Variants in SAP130 observed in about 807,000 individuals in gnomAD.
The protein encoded by SAP130 is Sin3A associated protein 130.
SAP130 carries 16 observed loss-of-function variants against 103.2 expected under a neutral mutation model. The observed-to-expected ratio is 0.16, with a 90% CI of 0.10 to 0.24. The LOEUF (loss-of-function observed/expected upper bound fraction) is 0.24, where lower values mean the gene tolerates loss of function less well. Among genes scored for constraint, SAP130 ranks in the 10% least tolerant of loss-of-function variants. The pLI, the probability that SAP130 is intolerant of heterozygous loss-of-function variation, is 1.00. For synonymous variants in SAP130, 477 were observed against 497.0 expected (o/e 0.96, Z 0.53); for missense variants, 990 against 1,359.7 (o/e 0.73, Z 4.28).
rs1254015678 is a variant in SAP130, at chr2:127,993,312, G to A, written c.1356-4C>T. On this transcript the variant is annotated splice_polypyrimidine_tract_variant and splice_region_variant and intron_variant, in intron 11 of 20. Transcript: ENST00000643581. ...GAACTGAACGGGAACAGACGGTCTA[G>A]AGACAGAACAGATGATAGCAAACAA... 6.2e-7 allele frequency: 1 copy of A among 1,608,414 alleles called. No homozygotes were observed. The highest frequency in any genetic ancestry group is 1.3e-5 in the African/African-American group (1 of 74,588).
In SAP130 at chr2:127,964,494, C is replaced by CA. The variant is rs55755397; in HGVS notation, c.2064-9151dup. On this transcript the variant is annotated intron_variant, in intron 15 of 20. Coordinates refer to ENST00000643581, the MANE Select transcript of SAP130 (RefSeq NM_001330301.2). ...GGGCGACAAGAGCGAAACTCCATCT[C>CA]AAAAAAAAAAAAAAAAAAAAAAAAG... Among the ~76,000 whole-genome samples, 212 of 69,848 alleles carry CA rather than the reference C, an allele frequency of 3.0e-3. 2 individuals carry two copies. Among genetic ancestry groups the CA allele is most frequent in the African/African-American group, 9.2e-3 (158 of 17,162 alleles). The allele number at this position is 69,848 out of a possible 152,430, so 45.8% of individuals were successfully genotyped here. A position where few individuals can be genotyped will look rare whatever the true frequency, so the allele number is the denominator to read the frequency against.
Position 127,989,763 on chromosome 2 carries a change from C to A in SAP130, c.1581G>T (p.Ser527=). Residue 527 remains serine (S), a synonymous_variant, in exon 13 of 21, where the codon TCG becomes TCT. Coordinates refer to ENST00000643581, the MANE Select transcript of SAP130 (RefSeq NM_001330301.2). This position sits in a 1 kb window ranked among gnomAD's most constrained non-coding sequence, Gnocchi z 4.6. The part of the protein sequence containing the change: ...NPMQLMTVDA[S]HARHIQGIQP... ...GGATCCCTTGAATATGTCGAGCATGCGATGCATCCACTGTCATCAACTGCA... is the reference window on the plus strand; with the variant it reads ...GGATCCCTTGAATATGTCGAGCATGAGATGCATCCACTGTCATCAACTGCA... The A allele has an allele frequency of 6.2e-7, 1 of 1,614,130 alleles. No individual in the cohort carries two copies. The highest frequency in any genetic ancestry group is 2.2e-5 in the East Asian group (1 of 44,892).
chr2:128,022,381 A>C (rs1559109565), intron 2 of SAP130, among the ~76,000 whole-genome samples: 2 of 152,332 alleles, frequency 1.3e-5, no homozygotes, highest in South Asian at 4.1e-4. Context: ...TTTGGTGAGA[A>C]CCCTGTTTTG....
At chr2:128,025,574 CTT>C (rs984213481) in intron 2 of SAP130, among the ~76,000 whole-genome samples, 5 of 152,134 alleles carry the variant, frequency 3.3e-5, no homozygotes, top group African/African-American at 9.7e-5. Flanking sequence ...ACTTTTTTCT[CTT>C]GTCATTATTC....
chr2:127,979,591 A>G (rs1681717161), intron 14 of SAP130, among the ~76,000 whole-genome samples: 1 of 81,072 alleles, frequency 1.2e-5, no homozygotes, highest in Non-Finnish European at 3.2e-5. Context: ...ATTCAAATAG[A>G]TAATATAAAA....
intron 1 of SAP130, among the ~76,000 whole-genome samples, chr2:128,026,701 T>C (rs754425861): frequency 2.0e-5 from 3 of 152,244 alleles, no homozygotes; most frequent in African/African-American, 7.2e-5. Context: ...CTGTGATTAG[T>C]ATGTCATAGG....
intron 12 of SAP130, among the ~76,000 whole-genome samples, chr2:127,990,542 C>G (rs1559074537): frequency 6.6e-6 from 1 of 152,126 alleles, no homozygotes; most frequent in Non-Finnish European, 1.5e-5. Flanking sequence ...CTACCTTTTC[C>G]CTAAATAAAC....
chr2:128,027,561 C>T (rs949147237), intron 1 of SAP130, among the ~76,000 whole-genome samples: 11 of 151,826 alleles, frequency 7.2e-5, no homozygotes, highest in Non-Finnish European at 1.5e-4. Context: ...AAGCGGCGGG[C>T]GCAGGGCCCG....
chr2:128,023,703 G>C (rs917998057), intron 2 of SAP130, among the ~76,000 whole-genome samples: 39 of 152,102 alleles, frequency 2.6e-4, no homozygotes, highest in African/African-American at 9.2e-4. Flanking sequence ...TGTGAACCTG[G>C]GAGGCAGAGC....
chr2:127,993,445 C>T (rs1682958123), intron 11 of SAP130, 137 bp from the exon 12 acceptor site: 2 of 852,658 alleles, frequency 2.3e-6, no homozygotes, highest in South Asian at 2.4e-5. Flanking sequence ...CAAACAAACT[C>T]TTACATCACA....
intron 15 of SAP130, among the ~76,000 whole-genome samples, chr2:127,960,790 A>G (rs2438019): frequency 0.82 from 124,661 of 152,044 alleles, 51,742 homozygotes; most frequent in Middle Eastern, 0.88. Context: ...AAAATGAACC[A>G]TTATTTTGTG....
intron 15 of SAP130, among the ~76,000 whole-genome samples, chr2:127,964,398 G>A (rs1680482601): frequency 6.6e-6 from 1 of 150,490 alleles, no homozygotes; most frequent in Admixed American, 6.6e-5. Context: ...GGAGGCTGAG[G>A]CAGGAGAATC....
At chr2:128,009,066 C>T (rs1684195805) in intron 7 of SAP130, among the ~76,000 whole-genome samples, 1 of 152,150 alleles carries the variant, frequency 6.6e-6, no homozygotes, top group African/African-American at 2.4e-5. Context: ...GTTAGGTATA[C>T]AGGCCAACTA....
chr2:127,942,480 G>A lies in SAP130; in HGVS notation c.2959C>T (p.Pro987Ser). ...TCATCTGTTGCTGCTTTTTTCTTTG[G>A]GATAATCCCTTCCTGCAGGTTAGTA... The part of the protein sequence containing the change: ...RLTNLQEGII[P>S]KKKAATDDDL... The change falls in exon 20 of 21, where the codon CCA becomes TCA. Residue 987 changes from proline to serine, a missense_variant. Transcript: ENST00000643581. The surrounding 1 kb of genome is among the most constrained non-coding windows in gnomAD (Gnocchi z 4.8). 2 of 1,613,866 alleles carry A rather than the reference G, an allele frequency of 1.2e-6. No homozygotes were observed. Among genetic ancestry groups the A allele is most frequent in the African/African-American group, 2.7e-5 (2 of 74,992 alleles).
intron 7 of SAP130, among the ~76,000 whole-genome samples, chr2:128,008,652 C>A (rs942400395): frequency 6.6e-6 from 1 of 150,514 alleles, no homozygotes; most frequent in African/African-American, 2.4e-5. Context: ...GTTACGGGCA[C>A]GAGCCACTGC....
At position 127,944,951 on chromosome 2, in the gene SAP130, C is replaced by G. The variant is rs369248861; in HGVS notation, c.2901+505G>C. Among the ~76,000 whole-genome samples, 51 of 151,656 alleles carry G rather than the reference C, an allele frequency of 3.4e-4. 1 individual carries two copies. The South Asian group carries it at 6.5e-3, about 19-fold the overall frequency. On this transcript the variant is annotated intron_variant, in intron 19 of 20. Coordinates refer to ENST00000643581, the MANE Select transcript of SAP130 (RefSeq NM_001330301.2). ...AACAGGAGAGAGGGAGAGGTATGCC[C>G]CGGTCTCTGAATGATGATGTGTGTG...
chr2:127,972,460 G>A (rs1284084489), intron 15 of SAP130, among the ~76,000 whole-genome samples: 1 of 151,940 alleles, frequency 6.6e-6, no homozygotes, highest in African/African-American at 2.4e-5. Context: ...AAAACAATAT[G>A]AAAATCAGCT....
chr2:128,019,484 G>C (rs930389159), intron 2 of SAP130, among the ~76,000 whole-genome samples: 1 of 152,304 alleles, frequency 6.6e-6, no homozygotes, highest in East Asian at 1.9e-4. Flanking sequence ...GCCTGGTCTG[G>C]TCTTGAATAC....
chr2:128,003,444 T>C (rs967782374), intron 7 of SAP130, among the ~76,000 whole-genome samples: 1 of 149,034 alleles, frequency 6.7e-6, no homozygotes, highest in Non-Finnish European at 1.5e-5. Context: ...GAGGTTAAGG[T>C]TGCAGTGAGC....
Sources: allele counts gnomAD v4.1 joint callset (sites outside exome capture counted in the v4.1 genomes callset), GRCh38; gene constraint gnomAD v4.1.1; non-coding constraint Gnocchi (gnomAD v3.1); transcripts MANE v1.5; gene names NCBI Gene and HGNC (gene_info 2026-07-23, HGNC 2026-07-21).